MATCAP2: variants seen among roughly 807,000 people sequenced by gnomAD.
MATCAP2 encodes microtubule associated tyrosine carboxypeptidase 2.
the MATCAP2 span, among the ~76,000 whole-genome samples, chr7:36,377,718 C>T: frequency 5.9e-5 from 9 of 152,164 alleles, no homozygotes; most frequent in African/African-American, 1.9e-4. Context: ...TTCCATTCTC[C>T]GCATCACTTT....
chr7:36,366,861 C>A, the MATCAP2 span: 3 of 1,497,722 alleles, frequency 2.0e-6, no homozygotes, highest in Admixed American at 6.8e-5. Context: ...CCCCGGGCGG[C>A]GGGACCCCGG....
At chr7:36,342,669 G>T in the MATCAP2 span, among the ~76,000 whole-genome samples, 2 of 152,050 alleles carry the variant, frequency 1.3e-5, no homozygotes, top group East Asian at 3.9e-4. Flanking sequence ...CTGTTGCCCA[G>T]GCTGGAGTGC....
the MATCAP2 span, chr7:36,390,166 AGT>A: frequency 6.4e-7 from 1 of 1,558,244 alleles, no homozygotes; most frequent in Non-Finnish European, 8.7e-7. Context: ...GCGCGTGCGC[AGT>A]GTGTGCGGGC....
chr7:36,360,231 T>C, the MATCAP2 span, among the ~76,000 whole-genome samples: 1 of 152,168 alleles, frequency 6.6e-6, no homozygotes, highest in African/African-American at 2.4e-5. Context: ...CTTGCTGAGT[T>C]TTTTGTCGTA....
At chr7:36,328,788 G>A in the MATCAP2 span, among the ~76,000 whole-genome samples, 4 of 152,014 alleles carry the variant, frequency 2.6e-5, no homozygotes, top group Non-Finnish European at 5.9e-5. Flanking sequence ...GCTCACGCCT[G>A]TAATCCTAGC....
the MATCAP2 span, among the ~76,000 whole-genome samples, chr7:36,358,034 C>G: frequency 6.6e-6 from 1 of 151,588 alleles, no homozygotes; most frequent in East Asian, 1.9e-4. Flanking sequence ...CTGTCTCTAC[C>G]AAAAAATACA....
chr7:36,360,949 T>C, the MATCAP2 span, among the ~76,000 whole-genome samples: 5 of 152,330 alleles, frequency 3.3e-5, no homozygotes, highest in East Asian at 9.6e-4. Flanking sequence ...TTATATAATG[T>C]AAAACTTAGC....
chr7:36,380,395 A>G, the MATCAP2 span, among the ~76,000 whole-genome samples: 3 of 152,244 alleles, frequency 2.0e-5, no homozygotes, highest in African/African-American at 7.2e-5. Flanking sequence ...TCTGAGCAAC[A>G]TTAATGGTCC....
chr7:36,366,342 T>TA, the MATCAP2 span, among the ~76,000 whole-genome samples: 1 of 152,076 alleles, frequency 6.6e-6, no homozygotes, highest in Admixed American at 6.5e-5. Context: ...GAACTGAATT[T>TA]AAAAAAATGC....
the MATCAP2 span, among the ~76,000 whole-genome samples, chr7:36,351,092 C>T: frequency 6.6e-6 from 1 of 152,170 alleles, no homozygotes; most frequent in South Asian, 2.1e-4. Context: ...CACATAGGTA[C>T]TTACTTTCAA....
At chr7:36,336,427 C>A in the MATCAP2 span, 6 of 748,426 alleles carry the variant, frequency 8.0e-6, no homozygotes, top group Non-Finnish European at 1.0e-5. Context: ...AACTGAAGTG[C>A]CAAACTTTTC....
chr7:36,372,521 CT>C, the MATCAP2 span, among the ~76,000 whole-genome samples: 1 of 152,292 alleles, frequency 6.6e-6, no homozygotes, highest in East Asian at 1.9e-4. Context: ...ACGCCTCTGC[CT>C]TTTTACCTCA....
At chr7:36,365,442 A>G in the MATCAP2 span, among the ~76,000 whole-genome samples, 1 of 152,182 alleles carries the variant, frequency 6.6e-6, no homozygotes, top group African/African-American at 2.4e-5. Context: ...GTTCATGCCT[A>G]TAATCCCAGC....
At chr7:36,372,762 G>C in the MATCAP2 span, among the ~76,000 whole-genome samples, 1 of 152,168 alleles carries the variant, frequency 6.6e-6, no homozygotes, top group Middle Eastern at 3.2e-3. Context: ...TGATGAAAAA[G>C]ATATGAAACC....
the MATCAP2 span, among the ~76,000 whole-genome samples, chr7:36,349,461 A>G: frequency 1.3e-5 from 2 of 152,208 alleles, no homozygotes; most frequent in Admixed American, 6.5e-5. Context: ...TGTGCCTTCA[A>G]TGAATGACAC....
At chr7:36,327,019 T>C in the MATCAP2 span, 1 of 1,024,770 alleles carries the variant, frequency 9.8e-7, no homozygotes, top group Non-Finnish European at 1.4e-6. Flanking sequence ...TACAGATCAT[T>C]TGTCAAATTA....
At chr7:36,347,634 G>A in the MATCAP2 span, among the ~76,000 whole-genome samples, 1 of 152,210 alleles carries the variant, frequency 6.6e-6, no homozygotes, top group Non-Finnish European at 1.5e-5. Context: ...TGAAAGCATG[G>A]AGGGGCTGTG....
chr7:36,347,177 G>A, the MATCAP2 span, among the ~76,000 whole-genome samples: 1 of 151,876 alleles, frequency 6.6e-6, no homozygotes, highest in African/African-American at 2.4e-5. Context: ...AAGAGTAATC[G>A]AATAGCATAA....
the MATCAP2 span, among the ~76,000 whole-genome samples, chr7:36,354,195 C>A: frequency 2.0e-5 from 3 of 152,220 alleles, no homozygotes; most frequent in African/African-American, 4.8e-5. Flanking sequence ...GAGTTATATT[C>A]CAGTCCTGCA....
Sources: allele counts gnomAD v4.1 joint callset (sites outside exome capture counted in the v4.1 genomes callset), GRCh38; gene constraint gnomAD v4.1.1; transcripts MANE v1.5; gene names NCBI Gene and HGNC (gene_info 2026-07-23, HGNC 2026-07-21).